The following SPG7 variants were observed in gnomAD, a reference collection of about 807,000 sequenced individuals.
SPG7 encodes mitochondrial inner membrane m-AAA protease component paraplegin.
In SPG7, 103 loss-of-function variants were observed where a neutral mutation model predicts 81.9. The ratio of observed to expected loss-of-function variants is 1.26; its 90% CI spans 1.07 to 1.48. The LOEUF is 1.48. SPG7 is among the 40% of genes most tolerant of loss of function. The pLI, the probability that SPG7 is intolerant of heterozygous loss-of-function variation, is 0.00. For synonymous variants in SPG7, 534 were observed against 444.2 expected (o/e 1.20, Z -2.54); for missense variants, 1,241 against 1,087.3 (o/e 1.14, Z -1.99).
At chr16:89,541,405 C>A in intron 9 of SPG7, 1 of 880,410 alleles carries the variant, frequency 1.1e-6, no homozygotes, top group Non-Finnish European at 1.4e-6. Flanking sequence ...GTCAAAATAA[C>A]AAAATTCTGG....
chr16:89,530,337 G>A, intron 6 of SPG7: 1 of 363,672 alleles, frequency 2.7e-6, no homozygotes, highest in Non-Finnish European at 5.3e-6. Context: ...GGTAGAGACA[G>A]GTTTCACCGT....
chr16:89,533,944 C>T (rs1432665207), intron 9 of SPG7, among the ~76,000 whole-genome samples: 1 of 152,076 alleles, frequency 6.6e-6, no homozygotes, highest in Non-Finnish European at 1.5e-5. Flanking sequence ...GTGTGCTGTG[C>T]GATGGTCTCG....
chr16:89,513,052 T>A lies in SPG7; in HGVS notation c.376+15T>A, dbSNP rs762517290. On this transcript the variant is annotated intron_variant, in intron 3 of 16. Coordinates refer to ENST00000645818, the MANE Select transcript of SPG7 (RefSeq NM_003119.4). Reference sequence around the variant, plus strand: ...AGAGGACGAAGGTATATTCATCTGATGTTCTTCAGTCAGTAGCTGCCTCTG... The same window carrying A: ...AGAGGACGAAGGTATATTCATCTGAAGTTCTTCAGTCAGTAGCTGCCTCTG... 6.3e-7 allele frequency: 1 copy of A among 1,593,326 alleles called. No homozygotes were observed. The highest frequency in any genetic ancestry group is 1.8e-5 in the Admixed American group (1 of 56,372).
At chr16:89,513,120 A>C in intron 3 of SPG7, 83 bp downstream of exon 3, 1 of 1,532,276 alleles carries the variant, frequency 6.5e-7, no homozygotes, top group Non-Finnish European at 8.8e-7. Context: ...AGGTGAAACC[A>C]GTCTGGAAAA....
chr16:89,548,768 T>A, intron 12 of SPG7: 1 of 362,542 alleles, frequency 2.8e-6, no homozygotes, highest in South Asian at 2.0e-5. Flanking sequence ...TCCATAGCTA[T>A]GATGGCAACA....
intron 9 of SPG7, chr16:89,537,016 C>T: frequency 6.2e-7 from 1 of 1,611,212 alleles, no homozygotes; most frequent in Non-Finnish European, 8.5e-7. Flanking sequence ...GCTGCTTCCG[C>T]CCCCGGATTT....
At chr16:89,524,816 G>A (rs1056513714) in intron 4 of SPG7, among the ~76,000 whole-genome samples, 3 of 152,172 alleles carry the variant, frequency 2.0e-5, no homozygotes, top group Non-Finnish European at 2.9e-5. Context: ...AGGGTAATGT[G>A]TGGACCAGTG....
At position 89,529,502 on chromosome 16, in the gene SPG7, G is replaced by C. The variant is rs2152402052; in HGVS notation, c.784G>C (p.Ala262Pro). 9.9e-6 allele frequency: 16 copies of C among 1,613,642 alleles called. No individual in the cohort carries two copies. Among genetic ancestry groups the C allele is most frequent in the Non-Finnish European group, 1.4e-5 (16 of 1,179,682 alleles). ...TGCCCTGTACTCTGTGGGGATGACGGCAGTGGGCCTGGCCATCCTGTGGTA... is the reference window on the plus strand; with the variant it reads ...TGCCCTGTACTCTGTGGGGATGACGCCAGTGGGCCTGGCCATCCTGTGGTA... ...GNALYSVGMT[A>P]VGLAILWYVF... The change falls in exon 6 of 17, where the codon GCA becomes CCA. Residue 262 changes from alanine to proline, a missense_variant. Coordinates refer to ENST00000645818, the MANE Select transcript of SPG7 (RefSeq NM_003119.4).
At chr16:89,556,445 G>A (rs1472061323) in intron 16 of SPG7, 2 of 308,616 alleles carry the variant, frequency 6.5e-6, no homozygotes, top group Non-Finnish European at 1.2e-5. Context: ...GGTGTCTCAA[G>A]TGTTTTCCAG....
Position 89,519,819 on chromosome 16 carries a change from C to G in SPG7, c.377-4187C>G, listed in dbSNP as rs1459991666. On this transcript the variant is annotated intron_variant, in intron 3 of 16. Coordinates refer to ENST00000645818, the MANE Select transcript of SPG7 (RefSeq NM_003119.4). ...CAGCTGTGGCGCTCGGGGCTGCTGT[C>G]TTCAGGGGCGGTTTCCAAGTGGGAT... is the stretch of plus-strand genomic sequence containing the variant. The G allele has an allele frequency of 7.9e-5, 12 of 152,272 alleles. No individual in the cohort carries two copies. The East Asian group carries it at 2.3e-3, about 29-fold the overall frequency. The allele number at this position is 152,272 out of a possible 1,614,324, so 9.4% of individuals were successfully genotyped here.
At position 89,554,582 on chromosome 16, in the gene SPG7, G is replaced by C; in HGVS notation, c.2181+19G>C. ...GCAGGCGGTGAGGCCCTGGCCAGGCGTGGGGGCTACGGCGTCACACAGTGT... is the reference window on the plus strand; with the variant it reads ...GCAGGCGGTGAGGCCCTGGCCAGGCCTGGGGGCTACGGCGTCACACAGTGT... On this transcript the variant is annotated intron_variant, in intron 16 of 16. Coordinates refer to ENST00000645818, the MANE Select transcript of SPG7 (RefSeq NM_003119.4). 1.3e-6 allele frequency: 2 copies of C among 1,584,238 alleles called. No homozygotes were observed. The highest frequency in any genetic ancestry group is 1.3e-5 in the African/African-American group (1 of 74,474).
At chr16:89,534,730 T>A (rs1368415356) in intron 9 of SPG7, among the ~76,000 whole-genome samples, 1 of 152,076 alleles carries the variant, frequency 6.6e-6, no homozygotes, top group Non-Finnish European at 1.5e-5. Context: ...GTAGTCAGAG[T>A]GTTCTTTGAT....
intron 5 of SPG7, among the ~76,000 whole-genome samples, chr16:89,527,837 G>A (rs1224492625): frequency 6.6e-6 from 1 of 151,912 alleles, no homozygotes; most frequent in Non-Finnish European, 1.5e-5. Flanking sequence ...GGCTATGCCT[G>A]TAATCCCAGC....
chr16:89,541,003 A>G (rs181249896), intron 9 of SPG7: 6 of 985,322 alleles, frequency 6.1e-6, no homozygotes, highest in African/African-American at 1.7e-5. Context: ...CGTTCTACAC[A>G]GCGACTAGAA....
chr16:89,550,612 G>T lies in SPG7; in HGVS notation c.1779+3G>T. 2.5e-6 allele frequency: 4 copies of T among 1,609,552 alleles called. No homozygotes were observed. The highest frequency in any genetic ancestry group is 1.1e-5 in the South Asian group (1 of 91,014). ...AGCACACGGAGGCCGTGATGAAGGT[G>T]GGTCTTGGCAGGTGCCGGCTCCACG... is the stretch of plus-strand genomic sequence containing the variant. On this transcript the variant is annotated splice_donor_region_variant and intron_variant, in intron 13 of 16. Coordinates refer to ENST00000645818, the MANE Select transcript of SPG7 (RefSeq NM_003119.4).
intron 9 of SPG7, chr16:89,533,199 GCTCT>G (rs1287484224): frequency 6.3e-6 from 1 of 159,776 alleles, no homozygotes; most frequent in African/African-American, 2.4e-5. Flanking sequence ...AGATAGTCTT[GCTCT>G]CTCTCCCAGG....
rs1409275959 is a variant in SPG7 at position 89,549,322 on chromosome 16, A to C, written c.1664-1172A>C. ...GATGTGTGGAAAATCTGAGACAGGA[A>C]ATGAAGCCTCACCAGTAAGCTGAAC... On this transcript the variant is annotated intron_variant, in intron 12 of 16. Transcript: ENST00000645818. 4.6e-6 allele frequency: 2 copies of C among 432,566 alleles called. 1 individual carries two copies. Among genetic ancestry groups the C allele is most frequent in the Non-Finnish European group, 9.4e-6 (2 of 213,796 alleles). 26.8% of individuals were successfully genotyped at this position (432,566 alleles called of 1,614,324 possible). A position where few individuals can be genotyped will look rare whatever the true frequency, so the allele number is the denominator to read the frequency against.
chr16:89,543,375 C>T (rs1249837741), intron 9 of SPG7: 6 of 93,794 alleles, frequency 6.4e-5, no homozygotes, highest in African/African-American at 2.4e-4. Context: ...GAGAGTCTTG[C>T]TCTGTCGCCC....
intron 7 of SPG7, chr16:89,531,045 G>A (rs984518018): frequency 3.2e-5 from 20 of 620,186 alleles, no homozygotes; most frequent in African/African-American, 5.5e-5. Flanking sequence ...CTACTGTGCC[G>A]TTAGCCGTCC....
Sources: allele counts gnomAD v4.1 joint callset (sites outside exome capture counted in the v4.1 genomes callset), GRCh38; gene constraint gnomAD v4.1.1; transcripts MANE v1.5; gene names NCBI Gene and HGNC (gene_info 2026-07-23, HGNC 2026-07-21).